The following TRPS1 variants were observed in gnomAD, a reference collection of about 807,000 sequenced individuals.
TRPS1 encodes transcriptional repressor GATA binding 1, also known as zinc finger transcription factor Trps1.
Under a neutral mutation model 101.2 loss-of-function variants are expected in TRPS1, and 6 were observed. That is an observed-to-expected ratio of 0.06 (90% confidence interval 0.03 to 0.12). The LOEUF is 0.12. Ranked by LOEUF, TRPS1 falls within the 10% of genes least tolerant of loss-of-function variation. The probability of loss-of-function intolerance (pLI) is 1.00; values close to 1 mark genes in which losing one functional copy is unlikely to be tolerated. For missense variants in TRPS1, 1,363 were observed against 1,567.0 expected (o/e 0.87, Z 2.20); for synonymous variants, 578 against 589.8 (o/e 0.98, Z 0.29).
At chr8:115,508,396 C>A (rs1361739466) in intron 5 of TRPS1, among the ~76,000 whole-genome samples, 3 of 152,074 alleles carry the variant, frequency 2.0e-5, no homozygotes, top group South Asian at 2.1e-4. Flanking sequence ...AAATTCTCTA[C>A]ATTTCCTGTC....
intron 5 of TRPS1, among the ~76,000 whole-genome samples, chr8:115,439,914 C>T (rs1813548969): frequency 6.6e-6 from 1 of 152,178 alleles, no homozygotes; most frequent in Non-Finnish European, 1.5e-5. Flanking sequence ...TCATTCCCTT[C>T]TTCTATTAAT....
chr8:115,454,602 T>C (rs562905301), intron 5 of TRPS1, among the ~76,000 whole-genome samples: 1 of 152,308 alleles, frequency 6.6e-6, no homozygotes, highest in African/African-American at 2.4e-5. Context: ...ATATGATGGA[T>C]TGAATTATTT....
At chr8:115,457,378 G>A (rs1814056740) in intron 5 of TRPS1, among the ~76,000 whole-genome samples, 1 of 152,100 alleles carries the variant, frequency 6.6e-6, no homozygotes, top group Non-Finnish European at 1.5e-5. Context: ...CAAGTATATA[G>A]GATTCCACTT....
At chr8:115,630,176 T>C (rs1434752860) in intron 1 of TRPS1, among the ~76,000 whole-genome samples, 1 of 151,974 alleles carries the variant, frequency 6.6e-6, no homozygotes, top group Non-Finnish European at 1.5e-5. Context: ...AAGTTCCTTC[T>C]GGACCCATCC....
intron 1 of TRPS1, among the ~76,000 whole-genome samples, chr8:115,656,691 C>T (rs752337051): frequency 6.6e-6 from 1 of 152,094 alleles, no homozygotes; most frequent in African/African-American, 2.4e-5. Context: ...CCTCTAACTA[C>T]TCCTTAGAAA....
intron 5 of TRPS1, chr8:115,492,334 T>A: frequency 2.2e-6 from 1 of 447,794 alleles, no homozygotes; most frequent in Non-Finnish European, 4.5e-6. Context: ...GAGAGGCAGA[T>A]AATTTTGCAG....
intron 1 of TRPS1, among the ~76,000 whole-genome samples, chr8:115,651,422 T>C (rs921670913): frequency 2.0e-5 from 3 of 152,224 alleles, no homozygotes; most frequent in African/African-American, 7.2e-5. Context: ...AGATAATCTT[T>C]ATTTTCCTCT....
chr8:115,445,258 C>T (rs117169085), intron 5 of TRPS1, among the ~76,000 whole-genome samples: 67 of 152,254 alleles, frequency 4.4e-4, no homozygotes, highest in Non-Finnish European at 7.2e-4. Context: ...ACTTTATATG[C>T]TACAATTTTG....
At chr8:115,582,247 C>G (rs1817468314) in intron 5 of TRPS1, among the ~76,000 whole-genome samples, 1 of 152,154 alleles carries the variant, frequency 6.6e-6, no homozygotes, top group Non-Finnish European at 1.5e-5. Context: ...TCACTTTTCA[C>G]TTCAGACCAT....
At chr8:115,543,401 C>T (rs1300864903) in intron 5 of TRPS1, among the ~76,000 whole-genome samples, 2 of 152,046 alleles carry the variant, frequency 1.3e-5, no homozygotes, top group African/African-American at 2.4e-5. Flanking sequence ...ATAAAAATTG[C>T]CAATTAGCTT....
chr8:115,596,218 G>C (rs1157629769), intron 4 of TRPS1, among the ~76,000 whole-genome samples: 1 of 151,896 alleles, frequency 6.6e-6, no homozygotes, highest in African/African-American at 2.4e-5. Flanking sequence ...ACCAAAATAT[G>C]TGTGTAGTTT....
chr8:115,615,974 A>G (rs868779450), intron 3 of TRPS1, among the ~76,000 whole-genome samples: 1 of 151,932 alleles, frequency 6.6e-6, no homozygotes, highest in Non-Finnish European at 1.5e-5. Context: ...AAAAATTGGA[A>G]AACTAACATC....
chr8:115,655,429 G>T (rs1046684904), intron 1 of TRPS1, among the ~76,000 whole-genome samples: 1 of 152,078 alleles, frequency 6.6e-6, no homozygotes, highest in Non-Finnish European at 1.5e-5. Flanking sequence ...CAGAATAGAT[G>T]GGGGCCAGCT....
chr8:115,507,216 G>A (rs1339348222), intron 5 of TRPS1, among the ~76,000 whole-genome samples: 1 of 152,056 alleles, frequency 6.6e-6, no homozygotes, highest in Non-Finnish European at 1.5e-5. Flanking sequence ...CTGCAAGCTC[G>A]TTCGTTTGTC....
intron 1 of TRPS1, among the ~76,000 whole-genome samples, chr8:115,634,197 C>T (rs759747738): frequency 6.6e-6 from 1 of 152,140 alleles, no homozygotes; most frequent in Admixed American, 6.5e-5. Flanking sequence ...TAACACTATT[C>T]CACGGAGTTT....
At chr8:115,542,040 G>C (rs891378345) in intron 5 of TRPS1, among the ~76,000 whole-genome samples, 1 of 152,164 alleles carries the variant, frequency 6.6e-6, no homozygotes, top group East Asian at 1.9e-4. Flanking sequence ...AATGGTGATA[G>C]TAGCAGCAAG....
chr8:115,541,272 G>A (rs1163125358), intron 5 of TRPS1, among the ~76,000 whole-genome samples: 2 of 152,164 alleles, frequency 1.3e-5, no homozygotes, highest in African/African-American at 4.8e-5. Context: ...GATGGCTTAG[G>A]AGGGTTTCTT....
chr8:115,484,123 A>G (rs1302586172), intron 5 of TRPS1, among the ~76,000 whole-genome samples: 1 of 152,186 alleles, frequency 6.6e-6, no homozygotes, highest in Non-Finnish European at 1.5e-5. Flanking sequence ...GAATAATGAA[A>G]GCACTTTTGC....
At chr8:115,536,246 T>C (rs1257898323) in intron 5 of TRPS1, among the ~76,000 whole-genome samples, 2 of 151,940 alleles carry the variant, frequency 1.3e-5, no homozygotes, top group Admixed American at 6.6e-5. Flanking sequence ...ACAGGCTGGG[T>C]GCGGTGGCTC....
Sources: allele counts gnomAD v4.1 joint callset (sites outside exome capture counted in the v4.1 genomes callset), GRCh38; gene constraint gnomAD v4.1.1; transcripts MANE v1.5; gene names NCBI Gene and HGNC (gene_info 2026-07-23, HGNC 2026-07-21).